IRAG1: variants seen among roughly 807,000 people sequenced by gnomAD.
IRAG1 encodes the protein inositol 1,4,5-triphosphate receptor associated 1.
IRAG1 carries 62 observed loss-of-function variants against 106.2 expected under a neutral mutation model. The observed-to-expected ratio is 0.58, with a 90% CI of 0.48 to 0.72. The LOEUF is 0.72. Ranked by LOEUF, IRAG1 falls within the 30% of genes least tolerant of loss-of-function variation. The probability of loss-of-function intolerance (pLI) is 0.00; values close to 1 mark genes in which losing one functional copy is unlikely to be tolerated. For synonymous variants in IRAG1, 462 were observed against 443.9 expected (o/e 1.04, Z -0.51); for missense variants, 1,064 against 1,140.7 (o/e 0.93, Z 0.97).
At chr11:10,629,933 T>C (rs1217389962) in intron 4 of IRAG1, 1 of 501,350 alleles carries the variant, frequency 2.0e-6, no homozygotes, top group South Asian at 3.2e-5. Flanking sequence ...TCACAAATGG[T>C]CCTGGAGCCA....
chr11:10,595,573 G>A (rs1853207790), intron 15 of IRAG1: 1 of 152,040 alleles, frequency 6.6e-6, no homozygotes, highest in African/African-American at 2.4e-5. Context: ...CCTTGTGTTT[G>A]TATTCTTAAA....
Position 10,604,899 on chromosome 11 carries a change from T to C in IRAG1, c.1603-354A>G, listed in dbSNP as rs115945115. Among the ~76,000 whole-genome samples, 283 of 152,350 alleles carry C rather than the reference T, an allele frequency of 1.9e-3. 1 individual carries two copies. The highest frequency in any genetic ancestry group is 6.5e-3 in the African/African-American group (272 of 41,580). ...ACAGCTAATTGTGTAAGCATCTGGATTTATGCTGGGATTTATTGCATGAGG... is the reference window on the plus strand; with the variant it reads ...ACAGCTAATTGTGTAAGCATCTGGACTTATGCTGGGATTTATTGCATGAGG... On this transcript the variant is annotated intron_variant, in intron 12 of 20. Transcript: ENST00000423302.
chr11:10,652,483 C>T (rs1858604480), intron 1 of IRAG1: 1 of 581,768 alleles, frequency 1.7e-6, no homozygotes. Flanking sequence ...ATGGAAGATA[C>T]TCCATTGAGA....
At chr11:10,676,318 T>C (rs536071524) in intron 1 of IRAG1, among the ~76,000 whole-genome samples, 1 of 152,368 alleles carries the variant, frequency 6.6e-6, no homozygotes, top group Admixed American at 6.5e-5. Context: ...CGTACATGAC[T>C]CAGCACAGTC....
intron 1 of IRAG1, chr11:10,687,647 C>A: frequency 7.9e-7 from 1 of 1,261,520 alleles, no homozygotes; most frequent in African/African-American, 1.6e-5. Context: ...CTTCACCAGA[C>A]ACAGATGCCC....
intron 1 of IRAG1, among the ~76,000 whole-genome samples, chr11:10,660,059 C>A (rs148780106): frequency 6.6e-6 from 1 of 152,192 alleles, no homozygotes; most frequent in Non-Finnish European, 1.5e-5. Context: ...TCTGCCTCCC[C>A]ACATGGGTGA....
Position 10,628,909 on chromosome 11 carries a change from C to G in IRAG1, c.575-81G>C. The G allele has an allele frequency of 1.5e-6, 2 of 1,365,232 alleles. No individual in the cohort carries two copies. The highest frequency in any genetic ancestry group is 2.0e-6 in the Non-Finnish European group (2 of 993,698). The allele number at this position is 1,365,232 out of a possible 1,614,324, so 84.6% of individuals were successfully genotyped here. Reference sequence around the variant, plus strand: ...GGCAAAGGCATCCTTTTAGGTATTCCCAGGCCCTGGGAACTGGGTCTGCCT... The same window carrying G: ...GGCAAAGGCATCCTTTTAGGTATTCGCAGGCCCTGGGAACTGGGTCTGCCT... On this transcript the variant is annotated intron_variant, in intron 5 of 20. Coordinates refer to ENST00000423302, the MANE Select transcript of IRAG1 (RefSeq NM_130385.4). The surrounding 1 kb of genome is among the most constrained non-coding windows in gnomAD (Gnocchi z 4.1).
At chr11:10,601,796 G>A (rs1250215978) in intron 14 of IRAG1, among the ~76,000 whole-genome samples, 5 of 152,200 alleles carry the variant, frequency 3.3e-5, no homozygotes, top group African/African-American at 1.2e-4. Context: ...GGCAGTGAGG[G>A]CAGCAGGTAA....
At chr11:10,662,853 C>T (rs1322880810) in intron 1 of IRAG1, among the ~76,000 whole-genome samples, 1 of 152,220 alleles carries the variant, frequency 6.6e-6, no homozygotes, top group Non-Finnish European at 1.5e-5. Context: ...ATTGCCCATT[C>T]CCATGAAGCA....
At position 10,582,000 on chromosome 11, in the gene IRAG1, G is replaced by A. The variant is rs1851440012; in HGVS notation, c.2241-14C>T. 6.2e-7 allele frequency: 1 copy of A among 1,606,612 alleles called. No homozygotes were observed. Among genetic ancestry groups the A allele is most frequent in the East Asian group, 2.2e-5 (1 of 44,762 alleles). ...TTTGTCTTTCCACTAGTGAGAAGAG[G>A]GAAGTACAGGGCATCATTTCAGAAA... On this transcript the variant is annotated splice_polypyrimidine_tract_variant and intron_variant, in intron 18 of 20. Coordinates refer to ENST00000423302, the MANE Select transcript of IRAG1 (RefSeq NM_130385.4).
At chr11:10,591,661 A>G (rs2134203211) in intron 17 of IRAG1, 49 bp from the exon 18 acceptor site, 2 of 1,496,436 alleles carry the variant, frequency 1.3e-6, no homozygotes, top group East Asian at 4.8e-5. Flanking sequence ...TATGGAAGGA[A>G]GAAGCCAGAG....
At chr11:10,671,259 TATTAGGACTAATAA>T (rs1156807708) in intron 1 of IRAG1, among the ~76,000 whole-genome samples, 1 of 152,250 alleles carries the variant, frequency 6.6e-6, no homozygotes, top group Non-Finnish European at 1.5e-5. Context: ...ACTAAAAAAC[TATTAGGACTAATAA>T]ATGAGCTCAG....
intron 18 of IRAG1, among the ~76,000 whole-genome samples, chr11:10,585,671 A>G (rs1315502628): frequency 6.7e-6 from 1 of 150,000 alleles, no homozygotes; most frequent in Non-Finnish European, 1.5e-5. Flanking sequence ...CCAAGATCAT[A>G]CAACCAGTGT....
intron 12 of IRAG1, 106 bp from the exon 13 acceptor site, chr11:10,604,651 G>A (rs754205004): frequency 3.0e-4 from 400 of 1,338,548 alleles, no homozygotes; most frequent in Middle Eastern, 7.3e-4. Flanking sequence ...CCCTGGAACA[G>A]CCGCCAAAGC....
chr11:10,680,205 G>A (rs957152616), intron 1 of IRAG1, among the ~76,000 whole-genome samples: 3 of 150,062 alleles, frequency 2.0e-5, no homozygotes, highest in Admixed American at 6.7e-5. Flanking sequence ...CCCAGGAGGT[G>A]GAGGTTGCAG....
intron 1 of IRAG1, among the ~76,000 whole-genome samples, chr11:10,676,826 C>G (rs140453383): frequency 1.8e-4 from 27 of 152,342 alleles, no homozygotes; most frequent in African/African-American, 6.3e-4. Flanking sequence ...AAACCAGAAT[C>G]CTGGCAAATG....
chr11:10,690,644 G>A (rs1861987982), intron 1 of IRAG1, among the ~76,000 whole-genome samples: 1 of 152,084 alleles, frequency 6.6e-6, no homozygotes, highest in African/African-American at 2.4e-5. Flanking sequence ...CTCAGTAACT[G>A]CCCCAGGACC....
At position 10,574,469 on chromosome 11, in the gene IRAG1, A is replaced by G. The variant is rs536118711; in HGVS notation, c.*1863T>C. The G allele has an allele frequency of 2.0e-5, 3 of 152,258 alleles. No homozygotes were observed. In the East Asian group the frequency reaches 5.8e-4, roughly 29 times the overall value. The allele number at this position is 152,258 out of a possible 1,614,324, so 9.4% of individuals were successfully genotyped here. ...GGGGAGATGGATACATAAATAGGCCATGGTATACTATAGGTAAAGGTCAAT... is the reference window on the plus strand; with the variant it reads ...GGGGAGATGGATACATAAATAGGCCGTGGTATACTATAGGTAAAGGTCAAT... On this transcript the variant is annotated 3_prime_UTR_variant, in exon 21 of 21. Coordinates refer to ENST00000423302, the MANE Select transcript of IRAG1 (RefSeq NM_130385.4).
At chr11:10,577,968 C>G (rs539111013) in intron 20 of IRAG1, among the ~76,000 whole-genome samples, 3 of 152,310 alleles carry the variant, frequency 2.0e-5, no homozygotes, top group Admixed American at 1.3e-4. Flanking sequence ...TGTAGATTCT[C>G]TAGATTCTAT....
Sources: allele counts gnomAD v4.1 joint callset (sites outside exome capture counted in the v4.1 genomes callset), GRCh38; gene constraint gnomAD v4.1.1; non-coding constraint Gnocchi (gnomAD v3.1); transcripts MANE v1.5; gene names NCBI Gene and HGNC (gene_info 2026-07-23, HGNC 2026-07-21).